ANKRD11: variants seen among roughly 807,000 people sequenced by gnomAD.
ANKRD11 encodes ankyrin repeat domain 11, also known as ankyrin repeat domain-containing protein 11.
ANKRD11 carries 17 observed loss-of-function variants against 195.7 expected under a neutral mutation model. That is an observed-to-expected ratio of 0.09 (90% CI 0.06 to 0.13). ANKRD11 has a LOEUF of 0.13. Ranked by LOEUF, ANKRD11 falls within the 10% of genes least tolerant of loss-of-function variation. The pLI is 1.00. For synonymous variants in ANKRD11, 1,953 were observed against 1,528.1 expected, an observed-to-expected ratio of 1.28 and a Z score of -6.49; for missense variants, 3,735 against 3,566.1, an observed-to-expected ratio of 1.05 and a Z score of -1.21.
At chr16:89,475,386 T>C (rs1280815155) in intron 1 of ANKRD11, among the ~76,000 whole-genome samples, 1 of 151,998 alleles carries the variant, frequency 6.6e-6, no homozygotes, top group Non-Finnish European at 1.5e-5. Context: ...AGCTCCCTCA[T>C]GAAAGCCCCG....
At chr16:89,441,793 A>AAAAAC (rs1555581853) in intron 1 of ANKRD11, among the ~76,000 whole-genome samples, 1 of 141,848 alleles carries the variant, frequency 7.0e-6, no homozygotes, top group African/African-American at 2.6e-5. Context: ...AAAAAAAAAA[A>AAAAAC]CGCAAACCTG....
Position 89,283,501 on chromosome 16 carries a change from C to A in ANKRD11, c.3041G>T (p.Gly1014Val), listed in dbSNP as rs1483914550. The A allele has an allele frequency of 1.2e-6, 2 of 1,614,014 alleles. No homozygotes were observed. Among genetic ancestry groups the A allele is most frequent in the Admixed American group, 3.3e-5 (2 of 60,030 alleles). Residue 1014 changes from glycine to valine, a missense_variant, in exon 9 of 13, where the codon GGC becomes GTC. Physicochemically the swap from Gly to Val is moderately radical, Grantham distance 109. Transcript: ENST00000301030. This position sits in a 1 kb window ranked among gnomAD's most constrained non-coding sequence, Gnocchi z 4.3. ...CTTCTCCTTCCTTTCCTTATCGGGG[C>A]CATCCTTCTTCTCCTTCTCTCGTGC... ...HPAREKEKKD[G>V]PDKERKEKTK...
chr16:89,359,997 A>G (rs947501962), intron 2 of ANKRD11, among the ~76,000 whole-genome samples: 2 of 151,988 alleles, frequency 1.3e-5, no homozygotes, highest in African/African-American at 4.8e-5. Flanking sequence ...GTGTTATTCT[A>G]TCACCCAGTA....
At chr16:89,452,779 C>CAAAAAAAAA (rs11401095) in intron 1 of ANKRD11, among the ~76,000 whole-genome samples, 1 of 73,512 alleles carries the variant, frequency 1.4e-5, no homozygotes, top group Non-Finnish European at 2.5e-5. Flanking sequence ...GACTCTATCT[C>CAAAAAAAAA]AAAAAAAAAA....
chr16:89,472,094 G>A (rs1291780788), intron 1 of ANKRD11, among the ~76,000 whole-genome samples: 2 of 152,130 alleles, frequency 1.3e-5, no homozygotes, highest in Non-Finnish European at 2.9e-5. Context: ...ATCAGGATCA[G>A]GGCAGAAACC....
chr16:89,460,342 G>C (rs1236256634), intron 1 of ANKRD11, among the ~76,000 whole-genome samples: 1 of 151,998 alleles, frequency 6.6e-6, no homozygotes. Flanking sequence ...TAAATGTCCT[G>C]AGGTCAGGAG....
chr16:89,454,376 T>G (rs568575906), intron 1 of ANKRD11, among the ~76,000 whole-genome samples: 47 of 152,316 alleles, frequency 3.1e-4, no homozygotes, highest in African/African-American at 1.1e-3. Flanking sequence ...TACTGCAGGT[T>G]GCAAATCTTA....
At chr16:89,274,779 T>TG in intron 11 of ANKRD11, 35 bp downstream of exon 11, 1 of 1,605,062 alleles carries the variant, frequency 6.2e-7, no homozygotes, top group Non-Finnish European at 8.5e-7. Flanking sequence ...TGCAGGCACT[T>TG]GGACTCATGG....
chr16:89,281,925 C>T lies in ANKRD11; in HGVS notation c.4617G>A (p.Glu1539=). 1.2e-6 allele frequency: 2 copies of T among 1,613,286 alleles called. No individual in the cohort carries two copies. Among genetic ancestry groups the T allele is most frequent in the Non-Finnish European group, 1.7e-6 (2 of 1,180,034 alleles). Residue 1539 remains glutamate (E), a synonymous_variant, in exon 9 of 13, where the codon GAG becomes GAA. Coordinates refer to ENST00000301030, the MANE Select transcript of ANKRD11 (RefSeq NM_013275.6). The surrounding 1 kb of genome is among the most constrained non-coding windows in gnomAD (Gnocchi z 5.5). ...TCTTCACTGGGTCGCCCTTTTCTTT[C>T]TCTGCACCGTCCTTGAATTTCTCCT... ...KLKEKFKDGA[E]KEKGDPVKMS...
At position 89,281,086 on chromosome 16, in the gene ANKRD11, G is replaced by A. The variant is rs770009664; in HGVS notation, c.5456C>T (p.Ser1819Phe). ...LFRQQSVPAA[S>F]SYDSPMPPSM... ...GGGTGGCATGGGAGAGTCGTAGCTG[G>A]AGGCAGCAGGAACGCTCTGCTGCCT... Residue 1819 changes from serine to phenylalanine, a missense_variant, in exon 9 of 13, where the codon TCC (serine) becomes TTC (phenylalanine). Ser to Phe is a radical substitution (Grantham distance 155). Transcript: ENST00000301030. This position sits in a 1 kb window ranked among gnomAD's most constrained non-coding sequence, Gnocchi z 5.5. The A allele has an allele frequency of 6.2e-7, 1 of 1,609,010 alleles. No individual in the cohort carries two copies. Among genetic ancestry groups the A allele is most frequent in the Admixed American group, 1.7e-5 (1 of 59,814 alleles).
intron 2 of ANKRD11, among the ~76,000 whole-genome samples, chr16:89,337,335 G>A (rs1021331519): frequency 9.9e-5 from 15 of 151,476 alleles, no homozygotes; most frequent in African/African-American, 3.6e-4. Context: ...AAGCCCAGCT[G>A]AGCACTGGGT....
At chr16:89,434,926 G>A (rs2043148629) in intron 1 of ANKRD11, among the ~76,000 whole-genome samples, 2 of 152,220 alleles carry the variant, frequency 1.3e-5, no homozygotes, top group South Asian at 4.1e-4. Context: ...TGTCCATGCG[G>A]ATGGCTAGGT....
chr16:89,395,326 C>T (rs138610195), intron 2 of ANKRD11, among the ~76,000 whole-genome samples: 210 of 152,328 alleles, frequency 1.4e-3, no homozygotes, highest in African/African-American at 4.9e-3. Context: ...GGAGCAGCGT[C>T]GGTGTGGAAG....
intron 1 of ANKRD11, among the ~76,000 whole-genome samples, chr16:89,441,804 ACT>A (rs2043516615): frequency 7.7e-6 from 1 of 130,370 alleles, no homozygotes; most frequent in Non-Finnish European, 1.7e-5. Context: ...CGCAAACCTG[ACT>A]CTTAAAAAAT....
intron 2 of ANKRD11, among the ~76,000 whole-genome samples, chr16:89,365,445 G>A (rs535511587): frequency 3.3e-5 from 5 of 152,338 alleles, no homozygotes; most frequent in African/African-American, 1.2e-4. Flanking sequence ...GTGCAGGGGA[G>A]CCTCCCAGAT....
intron 2 of ANKRD11, among the ~76,000 whole-genome samples, chr16:89,353,984 T>A (rs2039343585): frequency 6.6e-6 from 1 of 152,130 alleles, no homozygotes; most frequent in Admixed American, 6.5e-5. Context: ...TCCAGCCTTG[T>A]GAACCAGCCC....
At chr16:89,322,356 TG>T (rs1412986609) in intron 2 of ANKRD11, among the ~76,000 whole-genome samples, 2 of 152,224 alleles carry the variant, frequency 1.3e-5, no homozygotes, top group African/African-American at 4.8e-5. Flanking sequence ...ACGTACGTCC[TG>T]GGCAAATGCT....
chr16:89,355,214 A>AGAGGGCTCACGGAGGGAGGGCG (rs1165386856), intron 2 of ANKRD11, among the ~76,000 whole-genome samples: 1 of 151,776 alleles, frequency 6.6e-6, no homozygotes, highest in Non-Finnish European at 1.5e-5. Flanking sequence ...GGAGGCGGGC[A>AGAGGGCTCACGGAGGGAGGGCG]GAGGGCTCAC....
chr16:89,339,454 G>A (rs900739523), intron 2 of ANKRD11, among the ~76,000 whole-genome samples: 5 of 151,798 alleles, frequency 3.3e-5, no homozygotes, highest in African/African-American at 1.2e-4. Context: ...CATGGTCCGA[G>A]GAGCCCATCC....
Sources: allele counts gnomAD v4.1 joint callset (sites outside exome capture counted in the v4.1 genomes callset), GRCh38; gene constraint gnomAD v4.1.1; non-coding constraint Gnocchi (gnomAD v3.1); transcripts MANE v1.5; gene names NCBI Gene and HGNC (gene_info 2026-07-23, HGNC 2026-07-21).